The following MCC variants were observed in gnomAD, a reference collection of about 807,000 sequenced individuals.
The protein encoded by MCC is MCC regulator of Wnt signaling pathway.
Under a neutral mutation model 116.2 loss-of-function variants are expected in MCC, and 90 were observed. The ratio of observed to expected loss-of-function variants is 0.77; its 90% CI spans 0.65 to 0.92. The LOEUF is 0.92. MCC is among the 40% of genes least tolerant of loss of function. MCC has a pLI of 0.00. For missense variants in MCC, 1,516 were observed against 1,312.2 expected (o/e 1.16, Z -2.40); for synonymous variants, 578 against 510.5 (o/e 1.13, Z -1.78).
chr5:113,246,486 T>G (rs967970350), intron 3 of MCC, among the ~76,000 whole-genome samples: 1 of 152,124 alleles, frequency 6.6e-6, no homozygotes, highest in African/African-American at 2.4e-5. Context: ...AGGGGTTGTG[T>G]AGGAGAGAAG....
intron 3 of MCC, among the ~76,000 whole-genome samples, chr5:113,169,450 T>TG (rs1760955325): frequency 6.6e-6 from 1 of 152,100 alleles, no homozygotes; most frequent in Non-Finnish European, 1.5e-5. Flanking sequence ...ATAACCAGCA[T>TG]GGACCAGCAA....
intron 1 of MCC, among the ~76,000 whole-genome samples, chr5:113,486,571 C>T (rs1248404867): frequency 6.6e-6 from 1 of 152,166 alleles, no homozygotes; most frequent in East Asian, 1.9e-4. Context: ...ATGCGGGGAG[C>T]GGTGGCTCAG....
intron 1 of MCC, chr5:113,433,665 C>G: frequency 6.6e-7 from 1 of 1,517,202 alleles, no homozygotes; most frequent in Non-Finnish European, 8.8e-7. Context: ...TTCTCTGGCT[C>G]CACCCTTGAC....
chr5:113,284,747 TTCTGGTCATAA>T (rs1351134796), intron 3 of MCC, among the ~76,000 whole-genome samples: 1 of 152,232 alleles, frequency 6.6e-6, no homozygotes, highest in Non-Finnish European at 1.5e-5. Context: ...CCAGGCAATT[TTCTGGTCATAA>T]TCTGACTGCC....
intron 6 of MCC, among the ~76,000 whole-genome samples, chr5:113,105,731 C>T (rs1351565170): frequency 6.6e-6 from 1 of 152,200 alleles, no homozygotes; most frequent in Non-Finnish European, 1.5e-5. Context: ...TCAACTGGAC[C>T]ACTGTAACAA....
intron 3 of MCC, among the ~76,000 whole-genome samples, chr5:113,278,449 A>G (rs989969045): frequency 6.6e-6 from 1 of 152,224 alleles, no homozygotes; most frequent in Non-Finnish European, 1.5e-5. Flanking sequence ...AACTGCTACA[A>G]TGCGAACTAC....
chr5:113,147,865 A>G (rs1261394412), intron 4 of MCC, among the ~76,000 whole-genome samples: 2 of 152,218 alleles, frequency 1.3e-5, no homozygotes, highest in Admixed American at 6.5e-5. Flanking sequence ...GTTATCTCAG[A>G]AAACAAGAGA....
chr5:113,476,529 CAAAAATT>C (rs1772238212), intron 1 of MCC, among the ~76,000 whole-genome samples: 1 of 152,136 alleles, frequency 6.6e-6, no homozygotes, highest in Admixed American at 6.5e-5. Flanking sequence ...ACACCATACA[CAAAAATT>C]AACTCAAGTG....
chr5:113,383,183 C>T (rs1380326108), intron 2 of MCC, among the ~76,000 whole-genome samples: 1 of 152,086 alleles, frequency 6.6e-6, no homozygotes, highest in East Asian at 1.9e-4. Context: ...TTTTGATACA[C>T]ATTTACACAT....
chr5:113,431,091 T>A (rs1312769797), intron 1 of MCC, among the ~76,000 whole-genome samples: 1 of 151,802 alleles, frequency 6.6e-6, no homozygotes, highest in Non-Finnish European at 1.5e-5. Flanking sequence ...GGAAGTGAGA[T>A]TATCTGCTGA....
Position 113,434,181 on chromosome 5 carries a change from T to G in MCC, c.171-48969A>C. 1.2e-6 allele frequency: 2 copies of G among 1,614,144 alleles called. No individual in the cohort carries two copies. The highest frequency in any genetic ancestry group is 1.7e-6 in the Non-Finnish European group (2 of 1,179,998). The stretch of plus-strand genomic sequence containing the variant: ...CTGGATACGCAGCATCTTCTTGATG[T>G]TGGAGTCGTCGTAGGGCATGGAGCC... On this transcript the variant is annotated intron_variant, in intron 1 of 18. Transcript: ENST00000408903. The surrounding 1 kb of genome is among the most constrained non-coding windows in gnomAD (Gnocchi z 4.2).
intron 5 of MCC, among the ~76,000 whole-genome samples, chr5:113,123,053 C>A (rs11955830): frequency 0.015 from 2,349 of 152,266 alleles, 75 homozygotes; most frequent in African/African-American, 0.054. Flanking sequence ...ATGTACCAAA[C>A]GAGATTCATC....
intron 1 of MCC, among the ~76,000 whole-genome samples, chr5:113,456,766 C>G (rs904439908): frequency 6.7e-6 from 1 of 148,896 alleles, no homozygotes; most frequent in Non-Finnish European, 1.5e-5. Context: ...CCACTGCGCC[C>G]GGCCAATGAG....
At chr5:113,482,179 G>A (rs1561595040) in intron 1 of MCC, among the ~76,000 whole-genome samples, 1 of 152,056 alleles carries the variant, frequency 6.6e-6, no homozygotes, top group Non-Finnish European at 1.5e-5. Flanking sequence ...ATGAACATTT[G>A]GGTACATCTT....
At chr5:113,391,832 C>G (rs1427426910) in intron 1 of MCC, among the ~76,000 whole-genome samples, 3 of 152,000 alleles carry the variant, frequency 2.0e-5, no homozygotes, top group Non-Finnish European at 4.4e-5. Flanking sequence ...AAGACTTTGC[C>G]TCTGGGGACT....
chr5:113,169,135 G>A (rs1419701306), intron 3 of MCC, among the ~76,000 whole-genome samples: 11 of 152,086 alleles, frequency 7.2e-5, no homozygotes, highest in Admixed American at 7.2e-4. Context: ...AGAAAGAAGG[G>A]ACACTGATTT....
rs375463810 is a variant in MCC at position 113,044,541 on chromosome 5, G to A, written c.2656-911C>T. The A allele has an allele frequency of 5.5e-4, 507 of 930,258 alleles. 1 individual carries two copies. Among genetic ancestry groups the A allele is most frequent in the Non-Finnish European group, 6.3e-4 (495 of 779,910 alleles). The allele number at this position is 930,258 out of a possible 1,614,324, so 57.6% of individuals were successfully genotyped here. Reference sequence around the variant, plus strand: ...GCAGACCTGAGAATAAAAAGCTTGTGATCTGTTGCAGGAGATGGAATGTAA... The same window carrying A: ...GCAGACCTGAGAATAAAAAGCTTGTAATCTGTTGCAGGAGATGGAATGTAA... On this transcript the variant is annotated intron_variant, in intron 16 of 18. Transcript: ENST00000408903.
At chr5:113,250,185 A>G (rs1026698105) in intron 3 of MCC, among the ~76,000 whole-genome samples, 1 of 152,218 alleles carries the variant, frequency 6.6e-6, no homozygotes, top group Non-Finnish European at 1.5e-5. Flanking sequence ...CATAAGTCAC[A>G]CAGGGCACTC....
chr5:113,459,133 ATGTG>A (rs542497591), intron 1 of MCC, among the ~76,000 whole-genome samples: 1,592 of 68,294 alleles, frequency 0.023, 30 homozygotes, highest in Admixed American at 0.042. Context: ...GAGTAAGGAT[ATGTG>A]TGTGTGTGTG....
Sources: gnomAD v4.1 joint callset for allele counts (sites outside exome capture counted in the v4.1 genomes callset) on GRCh38, gnomAD v4.1.1 for gene constraint, Gnocchi (gnomAD v3.1) non-coding constraint, MANE v1.5 for transcripts, NCBI Gene and HGNC (gene_info 2026-07-23, HGNC 2026-07-21) for gene names.